Variants in SUSD4 observed in about 807,000 individuals in gnomAD.
SUSD4 encodes the protein sushi domain-containing protein 4.
Under a neutral mutation model 50.5 loss-of-function variants are expected in SUSD4, and 41 were observed. The ratio of observed to expected loss-of-function variants is 0.81; its 90% confidence interval spans 0.63 to 1.05. The LOEUF is 1.05. SUSD4 is among the 50% of genes least tolerant of loss of function. The pLI is 0.00. For synonymous variants in SUSD4, 257 were observed against 257.3 expected (o/e 1.00, Z 0.01); for missense variants, 580 against 634.7 (o/e 0.91, Z 0.93).
intron 2 of SUSD4, among the ~76,000 whole-genome samples, chr1:223,344,899 T>C (rs1039526800): frequency 6.6e-6 from 1 of 152,222 alleles, no homozygotes; most frequent in African/African-American, 2.4e-5. Flanking sequence ...ATTTGGAAGC[T>C]AAAAGAAAAA....
intron 5 of SUSD4, among the ~76,000 whole-genome samples, chr1:223,245,687 T>C (rs565476976): frequency 7.9e-5 from 12 of 152,266 alleles, no homozygotes; most frequent in African/African-American, 2.6e-4. Flanking sequence ...AGAGCAGGGA[T>C]AGACATGGCA....
intron 5 of SUSD4, among the ~76,000 whole-genome samples, chr1:223,234,742 G>A (rs933149373): frequency 1.3e-5 from 2 of 152,144 alleles, no homozygotes; most frequent in Non-Finnish European, 2.9e-5. Flanking sequence ...CCATTTTAGG[G>A]ATGTCTTAGT....
intron 2 of SUSD4, among the ~76,000 whole-genome samples, chr1:223,323,328 C>T (rs542659510): frequency 6.6e-6 from 1 of 152,218 alleles, no homozygotes; most frequent in East Asian, 1.9e-4. Flanking sequence ...TTCTGCATCC[C>T]TTTGAGATTA....
chr1:223,299,844 C>T (rs1004908217), intron 2 of SUSD4, among the ~76,000 whole-genome samples: 1 of 152,142 alleles, frequency 6.6e-6, no homozygotes, highest in Non-Finnish European at 1.5e-5. Flanking sequence ...CAGGAAATTA[C>T]ATCATTGGCT....
At chr1:223,335,893 A>C (rs1394613981) in intron 2 of SUSD4, among the ~76,000 whole-genome samples, 1 of 152,232 alleles carries the variant, frequency 6.6e-6, no homozygotes, top group Non-Finnish European at 1.5e-5. Context: ...AATGGTGTTA[A>C]GAAAAATTTT....
Position 223,226,267 on chromosome 1 carries a change from T to C in SUSD4, c.1061+1327A>G, listed in dbSNP as rs529453191. On this transcript the variant is annotated intron_variant, in intron 7 of 8. Coordinates refer to ENST00000366878, the MANE Select transcript of SUSD4 (RefSeq NM_017982.4). ...AATAATGTGGAAGACAGAGAGTGGA[T>C]GGCAGGTTGGAGAGGAAGGAAGGTT... Among the ~76,000 whole-genome samples, 51 of 152,316 alleles carry C rather than the reference T, an allele frequency of 3.3e-4. 2 individuals are homozygous for C. The South Asian group carries it at 0.011, about 32-fold the overall frequency.
chr1:223,261,597 G>T (rs2103067455), intron 5 of SUSD4, among the ~76,000 whole-genome samples: 1 of 152,306 alleles, frequency 6.6e-6, no homozygotes, highest in East Asian at 1.9e-4. Context: ...AAAATTAATG[G>T]TGGCTGTTCT....
chr1:223,330,391 C>T (rs1667110476), intron 2 of SUSD4, among the ~76,000 whole-genome samples: 1 of 152,246 alleles, frequency 6.6e-6, no homozygotes, highest in African/African-American at 2.4e-5. Flanking sequence ...TTTCTTCTCT[C>T]ACCTGCTTAA....
At chr1:223,362,462 G>A (rs1051116176) in intron 2 of SUSD4, among the ~76,000 whole-genome samples, 1 of 152,196 alleles carries the variant, frequency 6.6e-6, no homozygotes, top group Admixed American at 6.5e-5. Flanking sequence ...GAGCAGTGGA[G>A]GCAGGGAGAC....
At chr1:223,256,773 A>G (rs1181755988) in intron 5 of SUSD4, among the ~76,000 whole-genome samples, 3 of 152,206 alleles carry the variant, frequency 2.0e-5, no homozygotes, top group African/African-American at 7.2e-5. Context: ...AAATGGACAG[A>G]GCTAGGATTA....
In SUSD4 at chr1:223,332,068, G is replaced by T. The variant is rs1454130353; in HGVS notation, c.148+31210C>A. ...ACCCGTGCAGAGAAAGCTGAGTGAT[G>T]GGGCACAGTGTGAGCCTGGTTACAA... On this transcript the variant is annotated intron_variant, in intron 2 of 8. Transcript: ENST00000366878. The surrounding 1 kb of genome is among the most constrained non-coding windows in gnomAD (Gnocchi z 4.0). Among the ~76,000 whole-genome samples the T allele has an allele frequency of 6.6e-6, 1 of 152,154 alleles. No homozygotes were observed. Among genetic ancestry groups the T allele is most frequent in the Non-Finnish European group, 1.5e-5 (1 of 68,024 alleles).
intron 2 of SUSD4, among the ~76,000 whole-genome samples, chr1:223,339,633 C>T (rs550715587): frequency 5.4e-4 from 83 of 152,324 alleles, no homozygotes; most frequent in Admixed American, 1.2e-3. Flanking sequence ...CAGAATCTCA[C>T]GACACCTTTT....
intron 2 of SUSD4, among the ~76,000 whole-genome samples, chr1:223,343,010 G>A (rs748392138): frequency 5.9e-5 from 9 of 152,022 alleles, no homozygotes; most frequent in Non-Finnish European, 1.0e-4. Flanking sequence ...AAACATTAGC[G>A]GAAAAACAGA....
At chr1:223,308,756 C>T (rs896545356) in intron 2 of SUSD4, among the ~76,000 whole-genome samples, 2 of 152,086 alleles carry the variant, frequency 1.3e-5, no homozygotes, top group Non-Finnish European at 2.9e-5. Context: ...ACCTGGGAGC[C>T]AGATCTCTAA....
At chr1:223,354,696 G>A (rs1668560395) in intron 2 of SUSD4, among the ~76,000 whole-genome samples, 1 of 152,118 alleles carries the variant, frequency 6.6e-6, no homozygotes, top group Non-Finnish European at 1.5e-5. Flanking sequence ...ACTCAGAGTT[G>A]GTTAACAGTG....
chr1:223,287,806 G>A (rs962009697), intron 3 of SUSD4, among the ~76,000 whole-genome samples: 2 of 152,148 alleles, frequency 1.3e-5, no homozygotes, highest in Non-Finnish European at 2.9e-5. Flanking sequence ...AATAAAAAGA[G>A]AAAGGGTCTT....
intron 3 of SUSD4, among the ~76,000 whole-genome samples, chr1:223,287,323 C>T (rs942404224): frequency 1.3e-5 from 2 of 152,144 alleles, no homozygotes; most frequent in Admixed American, 1.3e-4. Context: ...GTGATCCACC[C>T]ACCTCAGCCT....
intron 2 of SUSD4, among the ~76,000 whole-genome samples, chr1:223,342,771 A>G (rs1667828123): frequency 6.6e-6 from 1 of 152,220 alleles, no homozygotes; most frequent in African/African-American, 2.4e-5. Flanking sequence ...TATAACAAAT[A>G]AAATATGAAA....
rs1164680328 is a variant in SUSD4 at position 223,221,317 on chromosome 1, G to A, written c.*875C>T. ...CAACTAGAGAGAGGCTCATGATTCT[G>A]AGATAAATGTTAAGTGGAGTCTTTT... On this transcript the variant is annotated 3_prime_UTR_variant, in exon 9 of 9. Coordinates refer to ENST00000366878, the MANE Select transcript of SUSD4 (RefSeq NM_017982.4). The A allele has an allele frequency of 1.0e-5, 4 of 389,932 alleles. No homozygotes were observed. The highest frequency in any genetic ancestry group is 1.8e-5 in the Non-Finnish European group (4 of 221,206). The allele number at this position is 389,932 out of a possible 1,614,324, so 24.2% of individuals were successfully genotyped here.
Sources: gnomAD v4.1 joint callset for allele counts (sites outside exome capture counted in the v4.1 genomes callset) on GRCh38, gnomAD v4.1.1 for gene constraint, Gnocchi (gnomAD v3.1) non-coding constraint, MANE v1.5 for transcripts, NCBI Gene and HGNC (gene_info 2026-07-23, HGNC 2026-07-21) for gene names.